The following MACROD2 variants were observed in gnomAD, a reference collection of about 807,000 sequenced individuals.
The protein encoded by MACROD2 is mono-ADP ribosylhydrolase 2, also known as ADP-ribose glycohydrolase MACROD2.
In MACROD2, 36 loss-of-function variants were observed where a neutral mutation model predicts 70.4. That is an observed-to-expected ratio of 0.51 (90% CI 0.39 to 0.68). The LOEUF is 0.68. Among genes scored for constraint, MACROD2 ranks in the 30% least tolerant of loss-of-function variants. The pLI is 0.00. For synonymous variants in MACROD2, 172 were observed against 178.8 expected, an observed-to-expected ratio of 0.96 and a Z score of 0.30; for missense variants, 496 against 538.4, an observed-to-expected ratio of 0.92 and a Z score of 0.78.
intron 8 of MACROD2, among the ~76,000 whole-genome samples, chr20:15,788,319 T>C (rs2051965713): frequency 6.6e-6 from 1 of 152,206 alleles, no homozygotes; most frequent in African/African-American, 2.4e-5. Flanking sequence ...GGTAACTAAA[T>C]TTCCAGAGCC....
At chr20:14,269,509 G>T (rs1463053244) in intron 3 of MACROD2, among the ~76,000 whole-genome samples, 1 of 152,096 alleles carries the variant, frequency 6.6e-6, no homozygotes, top group Non-Finnish European at 1.5e-5. Context: ...AATCTATCTT[G>T]TTATTCTTAG....
intron 8 of MACROD2, among the ~76,000 whole-genome samples, chr20:15,613,351 G>T (rs1415783241): frequency 6.6e-6 from 1 of 152,122 alleles, no homozygotes; most frequent in African/African-American, 2.4e-5. Flanking sequence ...TTATATTTTG[G>T]CATGTCTGTG....
At chr20:14,892,822 G>A (rs2122515811) in intron 5 of MACROD2, 1 of 152,230 alleles carries the variant, frequency 6.6e-6, no homozygotes, top group East Asian at 1.9e-4. Context: ...GGGACTACAG[G>A]TGTATGCCAC....
intron 4 of MACROD2, among the ~76,000 whole-genome samples, chr20:14,621,583 G>A (rs1254180100): frequency 6.6e-6 from 1 of 152,096 alleles, no homozygotes; most frequent in Admixed American, 6.6e-5. Context: ...CATGGGAAAT[G>A]TTGTTGCTAA....
At chr20:15,280,214 G>A (rs575449818) in intron 6 of MACROD2, among the ~76,000 whole-genome samples, 3 of 152,056 alleles carry the variant, frequency 2.0e-5, no homozygotes, top group Non-Finnish European at 4.4e-5. Flanking sequence ...AAGATGGTTG[G>A]GTAAGAATAT....
At chr20:15,278,560 T>C (rs1000341247) in intron 6 of MACROD2, among the ~76,000 whole-genome samples, 1 of 152,160 alleles carries the variant, frequency 6.6e-6, no homozygotes, top group Non-Finnish European at 1.5e-5. Context: ...GAAATAGTAA[T>C]AGAAGTCAAC....
intron 3 of MACROD2, among the ~76,000 whole-genome samples, chr20:14,107,390 G>T (rs1453185647): frequency 6.6e-6 from 1 of 152,026 alleles, no homozygotes; most frequent in Non-Finnish European, 1.5e-5. Context: ...AATGAAGCAT[G>T]CCTACACGAT....
At chr20:15,914,373 G>A (rs2065281146) in intron 10 of MACROD2, among the ~76,000 whole-genome samples, 1 of 152,226 alleles carries the variant, frequency 6.6e-6, no homozygotes, top group South Asian at 2.1e-4. Context: ...GCTGAAAGGA[G>A]ATGGACGTCA....
intron 5 of MACROD2, among the ~76,000 whole-genome samples, chr20:15,181,705 C>A (rs1435531621): frequency 6.6e-6 from 1 of 152,068 alleles, no homozygotes; most frequent in Non-Finnish European, 1.5e-5. Flanking sequence ...TCTAGGAATG[C>A]ATTTTGATGT....
intron 7 of MACROD2, among the ~76,000 whole-genome samples, chr20:15,482,729 G>A (rs547587543): frequency 2.6e-5 from 4 of 152,166 alleles, no homozygotes; most frequent in African/African-American, 4.8e-5. Context: ...ACCAGCATTC[G>A]GTATTGTCAG....
chr20:14,827,533 C>A (rs2072915605), intron 5 of MACROD2, among the ~76,000 whole-genome samples: 1 of 151,838 alleles, frequency 6.6e-6, no homozygotes. Context: ...GTCACTTAAT[C>A]AAAAATCATA....
chr20:15,766,792 A>G (rs1467869879), intron 8 of MACROD2, among the ~76,000 whole-genome samples: 1 of 152,246 alleles, frequency 6.6e-6, no homozygotes, highest in Non-Finnish European at 1.5e-5. Flanking sequence ...GCCTCATAGT[A>G]TAATGGCTTA....
intron 7 of MACROD2, among the ~76,000 whole-genome samples, chr20:15,458,700 G>A (rs1051947292): frequency 2.0e-5 from 3 of 149,708 alleles, no homozygotes; most frequent in African/African-American, 7.4e-5. Flanking sequence ...ACCTGAGATT[G>A]TCATTGGTGA....
intron 5 of MACROD2, among the ~76,000 whole-genome samples, chr20:15,139,488 G>A (rs555620266): frequency 1.2e-4 from 19 of 152,202 alleles, no homozygotes; most frequent in Admixed American, 1.2e-3. Flanking sequence ...GTGAACATGC[G>A]TAACTGCTTT....
At chr20:14,467,771 A>G (rs570894332) in intron 3 of MACROD2, among the ~76,000 whole-genome samples, 60 of 152,076 alleles carry the variant, frequency 3.9e-4, no homozygotes, top group East Asian at 2.5e-3. Context: ...TCCCCTAAAC[A>G]CTGCTTTAGC....
chr20:15,088,535 T>G (rs1435800629), intron 5 of MACROD2, among the ~76,000 whole-genome samples: 1 of 148,806 alleles, frequency 6.7e-6, no homozygotes, highest in Non-Finnish European at 1.5e-5. Flanking sequence ...TGTGAAAAAA[T>G]TAACTGCTGG....
At chr20:15,813,423 A>T (rs1263379705) in intron 8 of MACROD2, among the ~76,000 whole-genome samples, 2 of 152,160 alleles carry the variant, frequency 1.3e-5, no homozygotes, top group African/African-American at 4.8e-5. Flanking sequence ...GACTCAGGAA[A>T]GTTTTGTTTC....
chr20:15,265,032 C>T (rs991657849), intron 6 of MACROD2, among the ~76,000 whole-genome samples: 1 of 152,178 alleles, frequency 6.6e-6, no homozygotes, highest in African/African-American at 2.4e-5. Flanking sequence ...AAATGAAAAT[C>T]ATTACATGAA....
At chr20:15,557,551 C>A (rs1337650196) in intron 8 of MACROD2, among the ~76,000 whole-genome samples, 1 of 152,170 alleles carries the variant, frequency 6.6e-6, no homozygotes, top group Non-Finnish European at 1.5e-5. Flanking sequence ...TTGGGTCATC[C>A]CCAAACCAGA....
Sources: gnomAD v4.1 joint callset for allele counts (sites outside exome capture counted in the v4.1 genomes callset) on GRCh38, gnomAD v4.1.1 for gene constraint, MANE v1.5 for transcripts, NCBI Gene and HGNC (gene_info 2026-07-23, HGNC 2026-07-21) for gene names.